Variants in DPP6 observed in about 807,000 individuals in gnomAD.
DPP6 encodes the protein A-type potassium channel modulatory protein DPP6.
Under a neutral mutation model 122.6 loss-of-function variants are expected in DPP6, and 69 were observed. The observed-to-expected ratio is 0.56, with a 90% CI of 0.46 to 0.69. The LOEUF is 0.69. Among genes scored for constraint, DPP6 ranks in the 30% least tolerant of loss-of-function variants. The pLI is 0.00. For missense variants in DPP6, 928 were observed against 1,116.9 expected, an observed-to-expected ratio of 0.83 and a Z score of 2.41; for synonymous variants, 418 against 433.1, an observed-to-expected ratio of 0.97 and a Z score of 0.43.
At chr7:154,188,515 T>A (rs569248291) in intron 1 of DPP6, among the ~76,000 whole-genome samples, 1 of 152,112 alleles carries the variant, frequency 6.6e-6, no homozygotes, top group East Asian at 1.9e-4. Flanking sequence ...GGTCTCTAAG[T>A]CTGATATTGC....
intron 1 of DPP6, among the ~76,000 whole-genome samples, chr7:154,266,273 T>G (rs1178832272): frequency 6.6e-6 from 1 of 152,176 alleles, no homozygotes; most frequent in Non-Finnish European, 1.5e-5. Flanking sequence ...TTTGGGGAGA[T>G]GCTTGAAATC....
chr7:153,833,886 A>G, the DPP6 span, among the ~76,000 whole-genome samples: 5 of 152,190 alleles, frequency 3.3e-5, no homozygotes, highest in East Asian at 5.8e-4. Flanking sequence ...TGCAGCCTTT[A>G]AGACACAGCT....
At chr7:154,634,283 T>A (rs1022210991) in intron 5 of DPP6, among the ~76,000 whole-genome samples, 1 of 151,316 alleles carries the variant, frequency 6.6e-6, no homozygotes, top group South Asian at 2.1e-4. Flanking sequence ...GTCCTTGCGC[T>A]AGTTTGCTGA....
chr7:153,933,682 TTC>T (rs3060876), intron 1 of DPP6, among the ~76,000 whole-genome samples: 46,577 of 150,272 alleles, frequency 0.31, 7,670 homozygotes, highest in East Asian at 0.56. Flanking sequence ...CATTGCCACA[TTC>T]TCTCTCTCTC....
At chr7:154,344,758 C>T (rs1049884998) in intron 1 of DPP6, among the ~76,000 whole-genome samples, 3 of 152,042 alleles carry the variant, frequency 2.0e-5, no homozygotes, top group Admixed American at 6.5e-5. Context: ...CGTCTTGGTG[C>T]ACACCTGTAG....
At chr7:154,514,054 A>G (rs1826296141) in intron 3 of DPP6, among the ~76,000 whole-genome samples, 1 of 152,124 alleles carries the variant, frequency 6.6e-6, no homozygotes. Context: ...GTAGTGGATT[A>G]CCTGAGGTCA....
intron 1 of DPP6, among the ~76,000 whole-genome samples, chr7:153,951,665 G>A (rs1802220721): frequency 6.6e-6 from 1 of 152,196 alleles, no homozygotes; most frequent in Admixed American, 6.5e-5. Flanking sequence ...TTTATTTCTG[G>A]ATACTATCCT....
chr7:153,953,902 C>T (rs1802336737), intron 1 of DPP6, among the ~76,000 whole-genome samples: 1 of 152,152 alleles, frequency 6.6e-6, no homozygotes, highest in South Asian at 2.1e-4. Context: ...TGGAGGGCAG[C>T]CTGGCAGGAG....
At chr7:154,348,970 T>C (rs996021546) in intron 1 of DPP6, among the ~76,000 whole-genome samples, 10 of 152,210 alleles carry the variant, frequency 6.6e-5, no homozygotes, top group African/African-American at 2.4e-4. Flanking sequence ...TTGCCTGTTC[T>C]CTGTTGTTTC....
rs1271697907 is a variant in DPP6 at position 154,663,758 on chromosome 7, T to C, written c.681-5602T>C. On this transcript the variant is annotated intron_variant, in intron 6 of 25. Transcript: ENST00000377770. Reference sequence around the variant, plus strand: ...TGGCGTATCGGCCGTAGTGTTCATATAGTCATGGTGAATCACCATGGCGTA... The same window carrying C: ...TGGCGTATCGGCCGTAGTGTTCATACAGTCATGGTGAATCACCATGGCGTA... Among the ~76,000 whole-genome samples the C allele has an allele frequency of 4.0e-5, 4 of 100,772 alleles. No homozygotes were observed. The Admixed American group carries it at 4.7e-4, about 12-fold the overall frequency. The allele number at this position is 100,772 out of a possible 152,430, so 66.1% of individuals were successfully genotyped here.
intron 1 of DPP6, among the ~76,000 whole-genome samples, chr7:154,319,931 C>T (rs553705984): frequency 4.0e-5 from 6 of 150,884 alleles, no homozygotes; most frequent in African/African-American, 7.3e-5. Flanking sequence ...GCGGAGGTTG[C>T]GGTGAGCCGA....
At chr7:154,040,312 T>C (rs2129057591) in intron 1 of DPP6, among the ~76,000 whole-genome samples, 1 of 147,222 alleles carries the variant, frequency 6.8e-6, no homozygotes, top group Middle Eastern at 3.5e-3. Flanking sequence ...AGAAGTGTTT[T>C]TTTGTCACTT....
chr7:154,824,493 G>C (rs1485191016), intron 16 of DPP6, among the ~76,000 whole-genome samples: 1 of 152,134 alleles, frequency 6.6e-6, no homozygotes, highest in Non-Finnish European at 1.5e-5. Context: ...TGGCCAGGCT[G>C]GTCTCAAACT....
At chr7:154,881,327 T>C (rs765821791) in intron 21 of DPP6, among the ~76,000 whole-genome samples, 1 of 152,240 alleles carries the variant, frequency 6.6e-6, no homozygotes, top group Non-Finnish European at 1.5e-5. Flanking sequence ...CCATGTCTAC[T>C]TAGACGGAAG....
chr7:154,041,365 A>G (rs1430254435), intron 1 of DPP6, among the ~76,000 whole-genome samples: 1 of 152,250 alleles, frequency 6.6e-6, no homozygotes. Flanking sequence ...ATTGTGAGCT[A>G]CAGGCGGCCA....
intron 1 of DPP6, among the ~76,000 whole-genome samples, chr7:154,391,818 C>T (rs988736681): frequency 1.4e-4 from 22 of 152,240 alleles, no homozygotes; most frequent in African/African-American, 5.1e-4. Flanking sequence ...TTAGGATTCC[C>T]CTCTAGCACA....
intron 1 of DPP6, among the ~76,000 whole-genome samples, chr7:154,056,150 G>A (rs561020637): frequency 1.7e-3 from 254 of 152,318 alleles, no homozygotes; most frequent in African/African-American, 5.8e-3. Context: ...CTTCCCAACT[G>A]TGTGGCTCCA....
intron 7 of DPP6, among the ~76,000 whole-genome samples, chr7:154,693,271 G>A (rs1483405992): frequency 1.3e-5 from 2 of 152,176 alleles, no homozygotes; most frequent in Admixed American, 6.5e-5. Flanking sequence ...AAACGCTGAC[G>A]TGGCCGAGAA....
In DPP6 at chr7:154,241,185, A is replaced by ATGCGCGTGTGTGTG. The variant is rs34454400; in HGVS notation, c.243+188124_243+188125insCGCGTGTGTGTGTG. ...GCACAGTAGGTAATTCAATATCAATATGTGTGTGTGTGTGTGTGTGTGTGT... is the reference window on the plus strand; with the variant it reads ...GCACAGTAGGTAATTCAATATCAATATGCGCGTGTGTGTGTGTGTGTGTGTGTGTGTGTGTGTGT... On this transcript the variant is annotated intron_variant, in intron 1 of 25. Coordinates refer to ENST00000377770, the MANE Select transcript of DPP6 (RefSeq NM_130797.4). The surrounding 1 kb of genome is among the most constrained non-coding windows in gnomAD (Gnocchi z 9.0). Among the ~76,000 whole-genome samples the ATGCGCGTGTGTGTG allele has an allele frequency of 7.3e-6, 1 of 136,212 alleles. No homozygotes were observed. Among genetic ancestry groups the ATGCGCGTGTGTGTG allele is most frequent in the African/African-American group, 2.8e-5 (1 of 35,690 alleles). The allele number at this position is 136,212 out of a possible 152,430, so 89.4% of individuals were successfully genotyped here. A position where few individuals can be genotyped will look rare whatever the true frequency, so the allele number is the denominator to read the frequency against.
Sources: allele counts gnomAD v4.1 joint callset (sites outside exome capture counted in the v4.1 genomes callset), GRCh38; gene constraint gnomAD v4.1.1; non-coding constraint Gnocchi (gnomAD v3.1); transcripts MANE v1.5; gene names NCBI Gene and HGNC (gene_info 2026-07-23, HGNC 2026-07-21).